Variants in LAMB1 observed in about 807,000 individuals in gnomAD.
LAMB1 encodes the protein laminin subunit beta-1.
In LAMB1, 121 loss-of-function variants were observed where a neutral mutation model predicts 222.3. That is an observed-to-expected ratio of 0.54 (90% CI 0.47 to 0.63). The LOEUF is 0.63. LAMB1 is among the 30% of genes least tolerant of loss of function. LAMB1 has a pLI of 0.00. For missense variants in LAMB1, 2,172 were observed against 2,240.8 expected (o/e 0.97, Z 0.62); for synonymous variants, 794 against 807.2 (o/e 0.98, Z 0.28).
In LAMB1 at chr7:108,003,019, A is replaced by C. The variant is rs1563014757; in HGVS notation, c.-86-48T>G. 2.0e-6 allele frequency: 3 copies of C among 1,481,762 alleles called. No homozygotes were observed. In the East Asian group the frequency reaches 7.6e-5, roughly 37 times the overall value. The allele number at this position is 1,481,762 out of a possible 1,614,324, so 91.8% of individuals were successfully genotyped here. A position where few individuals can be genotyped will look rare whatever the true frequency, so the allele number is the denominator to read the frequency against. The stretch of plus-strand genomic sequence containing the variant: ...AAAAAAGGCAAATGTTCAAAGAGAG[A>C]AGAGGCGCCCTTCCATTTCCTGTCG... On this transcript the variant is annotated intron_variant, in intron 1 of 33. Coordinates refer to ENST00000222399, the MANE Select transcript of LAMB1 (RefSeq NM_002291.3).
chr7:107,998,641 T>C, intron 3 of LAMB1, 149 bp from the exon 4 acceptor site: 1 of 621,536 alleles, frequency 1.6e-6, no homozygotes, highest in Non-Finnish European at 2.7e-6. Context: ...GAGATTTGTA[T>C]CACATCTTTC....
chr7:108,001,853 G>A (rs1375197662), intron 2 of LAMB1, 120 bp from the exon 3 acceptor site: 18 of 1,509,452 alleles, frequency 1.2e-5, no homozygotes, highest in African/African-American at 2.8e-5. Flanking sequence ...TCGGAAGAAA[G>A]CAAAATGCAC....
rs76389339 is a variant in LAMB1, at chr7:107,980,860, GT to G, written c.677-50del. The G allele has an allele frequency of 0.15, 135,616 of 887,100 alleles. 2,870 individuals carry two copies. The highest frequency in any genetic ancestry group is 0.21 in the African/African-American group (11,906 of 57,466). The allele number at this position is 887,100 out of a possible 1,614,324, so 55.0% of individuals were successfully genotyped here. A position where few individuals can be genotyped will look rare whatever the true frequency, so the allele number is the denominator to read the frequency against. ...AAAAGTCTGATCAGACAAGCAAGAAGTTTTTTTTTTTTTCCTTGCATCATTT... is the reference window on the plus strand; with the variant it reads ...AAAAGTCTGATCAGACAAGCAAGAAGTTTTTTTTTTTTCCTTGCATCATTT... On this transcript the variant is annotated intron_variant, in intron 7 of 33. Transcript: ENST00000222399.
intron 13 of LAMB1, among the ~76,000 whole-genome samples, chr7:107,968,398 G>A (rs1370945301): frequency 1.3e-5 from 2 of 152,144 alleles, no homozygotes; most frequent in Admixed American, 1.3e-4. Flanking sequence ...CAGAATAATG[G>A]CCCCCAAAGA....
At chr7:107,941,612 A>T (rs1480044116) in intron 24 of LAMB1, among the ~76,000 whole-genome samples, 1 of 151,958 alleles carries the variant, frequency 6.6e-6, no homozygotes, top group African/African-American at 2.4e-5. Flanking sequence ...CCTGAAGTGC[A>T]ATGTCAACTG....
At chr7:108,003,046 T>C in intron 1 of LAMB1, 65 bp downstream of exon 1, 2 of 1,420,296 alleles carry the variant, frequency 1.4e-6, no homozygotes, top group Non-Finnish European at 1.8e-6. Context: ...TTCCTGTCGC[T>C]CCCACGGAAG....
At chr7:107,929,365 T>C in intron 30 of LAMB1, 47 bp downstream of exon 30, 1 of 1,558,622 alleles carries the variant, frequency 6.4e-7, no homozygotes, top group Non-Finnish European at 8.8e-7. Context: ...TTTTACTCCA[T>C]GATAGATACA....
intron 13 of LAMB1, among the ~76,000 whole-genome samples, chr7:107,970,290 C>G (rs1460319853): frequency 6.6e-6 from 1 of 152,026 alleles, no homozygotes; most frequent in African/African-American, 2.4e-5. Context: ...AAGTTCAAGA[C>G]CAGCCTGACC....
chr7:107,961,692 A>G lies in LAMB1; in HGVS notation c.1858-16T>C. 1 of 1,608,752 alleles carries G rather than the reference A, an allele frequency of 6.2e-7. No individual in the cohort carries two copies. ...GGTCGGGTAGCTAGAATAAGAAACA[A>G]ACAATGAAAAGATAGTTAGCCCACC... On this transcript the variant is annotated splice_polypyrimidine_tract_variant and intron_variant, in intron 15 of 33. Coordinates refer to ENST00000222399, the MANE Select transcript of LAMB1 (RefSeq NM_002291.3).
At chr7:107,951,117 T>C in intron 24 of LAMB1, 109 bp downstream of exon 24, 2 of 744,546 alleles carry the variant, frequency 2.7e-6, no homozygotes, top group Non-Finnish European at 4.5e-6. Context: ...TACAGGTTCT[T>C]ATAGACACGT....
intron 24 of LAMB1, among the ~76,000 whole-genome samples, chr7:107,946,384 G>C (rs1379829803): frequency 6.6e-6 from 1 of 152,198 alleles, no homozygotes; most frequent in Non-Finnish European, 1.5e-5. Context: ...TTTACCTGCA[G>C]AAATGAGCTG....
At chr7:107,945,915 CACTT>C (rs2033105672) in intron 24 of LAMB1, among the ~76,000 whole-genome samples, 1 of 152,184 alleles carries the variant, frequency 6.6e-6, no homozygotes. Context: ...AAGTTTGTGC[CACTT>C]ACTTTCTGCT....
At chr7:107,997,059 T>C (rs1308123314) in intron 4 of LAMB1, among the ~76,000 whole-genome samples, 4 of 152,178 alleles carry the variant, frequency 2.6e-5, no homozygotes, top group Non-Finnish European at 5.9e-5. Context: ...TTGTAACCAA[T>C]GAATTGCCAA....
chr7:108,001,022 G>C (rs528249654), intron 3 of LAMB1, among the ~76,000 whole-genome samples: 1 of 152,220 alleles, frequency 6.6e-6, no homozygotes, highest in South Asian at 2.1e-4. Flanking sequence ...CTGTATCAGG[G>C]TACCATGGCA....
chr7:107,937,746 T>C (rs916466548), intron 25 of LAMB1, among the ~76,000 whole-genome samples: 3 of 152,224 alleles, frequency 2.0e-5, no homozygotes, highest in Non-Finnish European at 2.9e-5. Flanking sequence ...GGAAGCCCTA[T>C]AGCCTGCCAC....
At chr7:107,931,919 A>G (rs2032720481) in intron 28 of LAMB1, among the ~76,000 whole-genome samples, 1 of 152,214 alleles carries the variant, frequency 6.6e-6, no homozygotes, top group African/African-American at 2.4e-5. Flanking sequence ...GGCTATCTCA[A>G]ATTATCCAGT....
At chr7:107,988,458 A>C (rs1193938491) in intron 5 of LAMB1, among the ~76,000 whole-genome samples, 2 of 152,174 alleles carry the variant, frequency 1.3e-5, no homozygotes, top group Non-Finnish European at 2.9e-5. Flanking sequence ...AAAAAGAAAA[A>C]AGGAATGGGT....
intron 4 of LAMB1, among the ~76,000 whole-genome samples, chr7:107,995,827 T>TA (rs1346770528): frequency 1.3e-5 from 2 of 152,134 alleles, no homozygotes; most frequent in Admixed American, 1.3e-4. Flanking sequence ...AAAGAAGTCT[T>TA]AAATGCGGAA....
chr7:107,953,487 G>T, intron 22 of LAMB1, 43 bp downstream of exon 22: 1 of 1,350,868 alleles, frequency 7.4e-7, no homozygotes, highest in Non-Finnish European at 1.1e-6. Context: ...AAAAAAAGGT[G>T]GAAGTCATTC....
Sources: gnomAD v4.1 joint callset for allele counts (sites outside exome capture counted in the v4.1 genomes callset) on GRCh38, gnomAD v4.1.1 for gene constraint, MANE v1.5 for transcripts, NCBI Gene and HGNC (gene_info 2026-07-23, HGNC 2026-07-21) for gene names.